The following SYCP2L variants were observed in gnomAD, a reference collection of about 807,000 sequenced individuals.
SYCP2L encodes synaptonemal complex protein 2-like.
SYCP2L carries 98 observed loss-of-function variants against 125.8 expected under a neutral mutation model. The observed-to-expected ratio is 0.78, with a 90% CI of 0.66 to 0.92. SYCP2L has a LOEUF of 0.92. SYCP2L is among the 40% of genes least tolerant of loss of function. The pLI is 0.00. For missense variants in SYCP2L, 842 were observed against 936.4 expected, an observed-to-expected ratio of 0.90 and a Z score of 1.32; for synonymous variants, 317 against 325.4, an observed-to-expected ratio of 0.97 and a Z score of 0.28.
chr6:10,898,689 C>T (rs914739733), intron 5 of SYCP2L, 135 bp from the exon 6 acceptor site: 6 of 664,678 alleles, frequency 9.0e-6, no homozygotes, highest in Admixed American at 2.7e-5. Flanking sequence ...CCCAGATAGG[C>T]TTTCTCTAAA....
At chr6:10,948,071 A>C (rs971690552) in intron 23 of SYCP2L, among the ~76,000 whole-genome samples, 7 of 152,128 alleles carry the variant, frequency 4.6e-5, no homozygotes, top group African/African-American at 1.7e-4. Context: ...TTGGCAAATA[A>C]AAATTGTATA....
chr6:10,900,577 T>C (rs1780359776), intron 6 of SYCP2L, among the ~76,000 whole-genome samples: 1 of 152,118 alleles, frequency 6.6e-6, no homozygotes, highest in African/African-American at 2.4e-5. Flanking sequence ...GGTTTTGAAC[T>C]CCTGACCCCA....
At chr6:10,890,824 A>C (rs1581812654) in intron 1 of SYCP2L, among the ~76,000 whole-genome samples, 1 of 152,138 alleles carries the variant, frequency 6.6e-6, no homozygotes, top group Admixed American at 6.6e-5. Flanking sequence ...TCTTAAGTGT[A>C]AGCTTTTAGT....
At chr6:10,914,738 GTTTTTTTTTT>G (rs34095541) in intron 14 of SYCP2L, among the ~76,000 whole-genome samples, 4 of 107,788 alleles carry the variant, frequency 3.7e-5, no homozygotes, top group African/African-American at 1.1e-4. Flanking sequence ...ATATCCCTAA[GTTTTTTTTTT>G]TTTTTTTTTT....
intron 25 of SYCP2L, 74 bp from the exon 26 acceptor site, chr6:10,958,710 T>C (rs529364297): frequency 1.0e-5 from 14 of 1,381,102 alleles, no homozygotes; most frequent in Non-Finnish European, 1.4e-5. Context: ...CAGCATCTTT[T>C]TAACACAAAG....
intron 1 of SYCP2L, among the ~76,000 whole-genome samples, chr6:10,888,753 T>C (rs1780125471): frequency 6.6e-6 from 1 of 152,202 alleles, no homozygotes; most frequent in South Asian, 2.1e-4. Context: ...CCGGGAATAT[T>C]TTCTTTGGGA....
chr6:10,949,952 G>A (rs148384879), intron 23 of SYCP2L, among the ~76,000 whole-genome samples: 158 of 151,964 alleles, frequency 1.0e-3, no homozygotes, highest in Middle Eastern at 3.4e-3. Context: ...CCTTCATTTA[G>A]ATTTATCATT....
rs780214095 is a variant in SYCP2L, at chr6:10,894,000, A to C, written c.212A>C (p.Asn71Thr). ...TTATACCGTCTTGACAGATCAATAAATAAGGCAAGTTGGTTTGCTTTGTGA... is the reference window on the plus strand; with the variant it reads ...TTATACCGTCTTGACAGATCAATAACTAAGGCAAGTTGGTTTGCTTTGTGA... Reference protein sequence around the residue: ...LLLYRLDRSINKELDKNEFQS... With the variant: ...LLLYRLDRSITKELDKNEFQS... The change falls in exon 3 of 30, where the codon AAT becomes ACT. Residue 71 changes from asparagine (N) to threonine (T), a missense_variant. Physicochemically the swap from Asn to Thr is moderately conservative, Grantham distance 65. Transcript: ENST00000283141. The C allele has an allele frequency of 5.0e-6, 8 of 1,604,036 alleles. No homozygotes were observed. The highest frequency in any genetic ancestry group is 5.9e-6 in the Non-Finnish European group (7 of 1,177,628).
At chr6:10,938,054 C>T (rs982445287) in intron 21 of SYCP2L, among the ~76,000 whole-genome samples, 2 of 152,094 alleles carry the variant, frequency 1.3e-5, no homozygotes, top group African/African-American at 4.8e-5. Context: ...ACTTCCAAAC[C>T]CATTTTATGA....
At chr6:10,887,580 TAAAAA>T (rs145580893) in intron 1 of SYCP2L, among the ~76,000 whole-genome samples, 5 of 150,970 alleles carry the variant, frequency 3.3e-5, no homozygotes, top group African/African-American at 9.7e-5. Context: ...CAATAAATAA[TAAAAA>T]AAAACACATG....
chr6:10,973,253 TG>T lies in SYCP2L; in HGVS notation c.*38-695del, dbSNP rs1561706039. 2.0e-5 allele frequency among the ~76,000 whole-genome samples: 3 copies of T among 152,082 alleles called. No homozygotes were observed. The East Asian group carries it at 5.8e-4, about 29-fold the overall frequency. ...ATGAGCATCTAATTGGGCTGATAGGTGGGGCATGGTGGCTCACGCCTGTAAT... is the reference window on the plus strand; with the variant it reads ...ATGAGCATCTAATTGGGCTGATAGGTGGGCATGGTGGCTCACGCCTGTAAT... On this transcript the variant is annotated intron_variant, in intron 29 of 29. Transcript: ENST00000283141.
In SYCP2L at chr6:10,927,292, C is replaced by T. The variant is rs1780914025; in HGVS notation, c.1365C>T (p.Asp455=). Reference sequence around the variant, plus strand: ...TGGAGTTTATGAGTGCTGAAGATGACCGCTGCCTAATAACTCTCCACTTAA... The same window carrying T: ...TGGAGTTTATGAGTGCTGAAGATGATCGCTGCCTAATAACTCTCCACTTAA... The part of the protein sequence containing the change: ...NMVEFMSAED[D]RCLITLHLND... Residue 455 remains aspartate, a synonymous_variant, in exon 17 of 30, where the codon GAC becomes GAT. Coordinates refer to ENST00000283141, the MANE Select transcript of SYCP2L (RefSeq NM_001040274.3). The T allele has an allele frequency of 6.2e-7, 1 of 1,614,146 alleles. No individual in the cohort carries two copies. The highest frequency in any genetic ancestry group is 8.5e-7 in the Non-Finnish European group (1 of 1,180,024).
intron 4 of SYCP2L, 130 bp downstream of exon 4, chr6:10,894,334 C>T: frequency 7.6e-6 from 9 of 1,182,908 alleles, no homozygotes; most frequent in Non-Finnish European, 9.6e-6. Flanking sequence ...GATATCCATT[C>T]TTATTGCTTC....
chr6:10,941,441 C>T (rs1269112798), intron 21 of SYCP2L, among the ~76,000 whole-genome samples: 1 of 152,060 alleles, frequency 6.6e-6, no homozygotes, highest in African/African-American at 2.4e-5. Context: ...ACAAAGAACT[C>T]AAACAAATTT....
intron 21 of SYCP2L, among the ~76,000 whole-genome samples, chr6:10,940,809 A>G (rs1316989552): frequency 6.6e-6 from 1 of 152,186 alleles, no homozygotes; most frequent in African/African-American, 2.4e-5. Flanking sequence ...TAATCATTAC[A>G]CCGTATATAT....
intron 29 of SYCP2L, among the ~76,000 whole-genome samples, chr6:10,966,012 C>G (rs1254479485): frequency 6.6e-6 from 1 of 152,150 alleles, no homozygotes; most frequent in African/African-American, 2.4e-5. Flanking sequence ...ACTTGGGAGG[C>G]TGAGGCAGGA....
At chr6:10,925,163 A>G (rs1054767226) in intron 15 of SYCP2L, among the ~76,000 whole-genome samples, 2 of 152,190 alleles carry the variant, frequency 1.3e-5, no homozygotes, top group African/African-American at 2.4e-5. Flanking sequence ...GCGGCAGGCA[A>G]GAGAGTAGGG....
intron 28 of SYCP2L, among the ~76,000 whole-genome samples, chr6:10,962,582 CTG>C: frequency 6.6e-6 from 1 of 152,244 alleles, no homozygotes; most frequent in Non-Finnish European, 1.5e-5. Flanking sequence ...TGGGTTCTAT[CTG>C]TGAATATTTT....
At chr6:10,952,028 T>C (rs1252561427) in intron 23 of SYCP2L, among the ~76,000 whole-genome samples, 1 of 152,196 alleles carries the variant, frequency 6.6e-6, no homozygotes, top group East Asian at 1.9e-4. Context: ...ACACCCCCTC[T>C]GCAGCCACCA....
Sources: gnomAD v4.1 joint callset for allele counts (sites outside exome capture counted in the v4.1 genomes callset) on GRCh38, gnomAD v4.1.1 for gene constraint, MANE v1.5 for transcripts, NCBI Gene and HGNC (gene_info 2026-07-23, HGNC 2026-07-21) for gene names.